CTNND2: variants seen among roughly 807,000 people sequenced by gnomAD.
The protein encoded by CTNND2 is catenin delta-2.
In CTNND2, 22 loss-of-function variants were observed where a neutral mutation model predicts 144.4. That is an observed-to-expected ratio of 0.15 (90% CI 0.11 to 0.22). The LOEUF is 0.22. Ranked by LOEUF, CTNND2 falls within the 10% of genes least tolerant of loss-of-function variation. The pLI, the probability that CTNND2 is intolerant of heterozygous loss-of-function variation, is 1.00. For missense variants in CTNND2, 1,353 were observed against 1,618.8 expected (o/e 0.84, Z 2.82); for synonymous variants, 751 against 695.6 (o/e 1.08, Z -1.25).
intron 9 of CTNND2, among the ~76,000 whole-genome samples, chr5:11,263,411 A>G (rs1745112836): frequency 6.6e-6 from 1 of 152,212 alleles, no homozygotes; most frequent in Non-Finnish European, 1.5e-5. Flanking sequence ...TTGAAAGTAT[A>G]CTTAATAACA....
intron 2 of CTNND2, among the ~76,000 whole-genome samples, chr5:11,683,560 C>G (rs547666361): frequency 3.4e-4 from 52 of 152,296 alleles, no homozygotes; most frequent in Non-Finnish European, 5.6e-4. Context: ...TGTTGAAGAC[C>G]GTCTTTGCAC....
At chr5:11,607,781 G>A (rs1219287932) in intron 2 of CTNND2, among the ~76,000 whole-genome samples, 1 of 152,166 alleles carries the variant, frequency 6.6e-6, no homozygotes, top group African/African-American at 2.4e-5. Flanking sequence ...AACTTGGGCT[G>A]AAAGTCTGTG....
intron 10 of CTNND2, among the ~76,000 whole-genome samples, chr5:11,211,264 G>A (rs1246406518): frequency 6.6e-6 from 1 of 152,186 alleles, no homozygotes; most frequent in African/African-American, 2.4e-5. Flanking sequence ...GAGCAAAAGA[G>A]AGGCAGTGGG....
chr5:11,681,129 A>C (rs1452076153), intron 2 of CTNND2, among the ~76,000 whole-genome samples: 4 of 152,224 alleles, frequency 2.6e-5, no homozygotes, highest in Admixed American at 1.3e-4. Flanking sequence ...TTCTACCCCC[A>C]GTTGTGTAAG....
chr5:11,605,230 G>C (rs1779987605), intron 2 of CTNND2, among the ~76,000 whole-genome samples: 1 of 152,160 alleles, frequency 6.6e-6, no homozygotes, highest in African/African-American at 2.4e-5. Context: ...CCACACAACA[G>C]ACATGCTTAC....
At chr5:11,139,740 A>C (rs531863362) in intron 12 of CTNND2, among the ~76,000 whole-genome samples, 1 of 152,352 alleles carries the variant, frequency 6.6e-6, no homozygotes, top group South Asian at 2.1e-4. Context: ...CTGCTGTAAC[A>C]AATTAACACA....
chr5:11,329,389 A>G (rs1336626885), intron 9 of CTNND2, among the ~76,000 whole-genome samples: 35 of 152,178 alleles, frequency 2.3e-4, no homozygotes, highest in Admixed American at 2.2e-3. Context: ...TCCTGACCTC[A>G]AGTGATCCCC....
intron 2 of CTNND2, among the ~76,000 whole-genome samples, chr5:11,595,687 CCATTGG>C (rs1250799085): frequency 6.6e-6 from 1 of 152,000 alleles, no homozygotes; most frequent in Admixed American, 6.6e-5. Context: ...AGCTTTAAAC[CCATTGG>C]CATACCTGAT....
At chr5:11,520,356 A>C (rs954183395) in intron 3 of CTNND2, among the ~76,000 whole-genome samples, 5 of 152,086 alleles carry the variant, frequency 3.3e-5, no homozygotes, top group African/African-American at 1.2e-4. Flanking sequence ...ACCTAGATTA[A>C]AGAGAAAGGC....
intron 9 of CTNND2, among the ~76,000 whole-genome samples, chr5:11,238,958 T>G (rs1475744129): frequency 6.6e-6 from 1 of 152,268 alleles, no homozygotes; most frequent in Non-Finnish European, 1.5e-5. Context: ...AAACCACGTC[T>G]GCAAGGCTCA....
At position 11,385,070 on chromosome 5, in the gene CTNND2, T is replaced by A; in HGVS notation, c.772A>T (p.Thr258Ser). Residue 258 changes from threonine (T) to serine (S), a missense_variant, in exon 7 of 22, where the codon ACG becomes TCG. This residue lies in a region of CTNND2 where 708 missense variants were observed against 706.4 expected (regional missense o/e 1.00). Transcript: ENST00000304623. ...AAAALYYSSS[T>S]LPAPPRGGSP... ...CCCCCGCGCGGCGGCGCGGGCAGCG[T>A]GGAGCTGGAGTAGTAGAGCGCGGCG... The A allele has an allele frequency of 9.2e-7, 1 of 1,082,860 alleles. No individual in the cohort carries two copies. Among genetic ancestry groups the A allele is most frequent in the Non-Finnish European group, 1.1e-6 (1 of 899,424 alleles). The allele number at this position is 1,082,860 out of a possible 1,614,324, so 67.1% of individuals were successfully genotyped here.
rs148354815 is a variant in CTNND2 at position 11,759,136 on chromosome 5, T to C, written c.38-26864A>G. ...CATAGAAATATTTTAGCATGATTGGTCTTTTTGGAGGGAGAGGTCCAAGCA... is the reference window on the plus strand; with the variant it reads ...CATAGAAATATTTTAGCATGATTGGCCTTTTTGGAGGGAGAGGTCCAAGCA... On this transcript the variant is annotated intron_variant, in intron 1 of 21. Coordinates refer to ENST00000304623, the MANE Select transcript of CTNND2 (RefSeq NM_001332.4). Among the ~76,000 whole-genome samples the C allele has an allele frequency of 4.7e-3, 713 of 152,140 alleles. 7 individuals are homozygous for C. Among genetic ancestry groups the C allele is most frequent in the African/African-American group, 0.016 (674 of 41,538 alleles).
At chr5:11,412,373 A>G (rs1432204858) in intron 3 of CTNND2, among the ~76,000 whole-genome samples, 1 of 152,170 alleles carries the variant, frequency 6.6e-6, no homozygotes, top group East Asian at 1.9e-4. Flanking sequence ...GCTTCTCTAT[A>G]CATGCAGTTT....
intron 16 of CTNND2, among the ~76,000 whole-genome samples, chr5:11,031,818 C>T (rs1409908256): frequency 6.6e-6 from 1 of 152,214 alleles, no homozygotes; most frequent in African/African-American, 2.4e-5. Flanking sequence ...CGTCAGACTC[C>T]AGTTCTTTGG....
chr5:11,798,243 C>CA (rs1791502242), intron 1 of CTNND2, among the ~76,000 whole-genome samples: 2 of 128,142 alleles, frequency 1.6e-5, no homozygotes, highest in African/African-American at 6.0e-5. Context: ...GCCTGGGTGA[C>CA]AGAGTGAGAC....
chr5:11,125,131 C>A (rs1201908958), intron 12 of CTNND2, among the ~76,000 whole-genome samples: 1 of 152,142 alleles, frequency 6.6e-6, no homozygotes, highest in Non-Finnish European at 1.5e-5. Flanking sequence ...GTTGAGTGCC[C>A]AGGGGTGGGG....
intron 3 of CTNND2, among the ~76,000 whole-genome samples, chr5:11,558,687 A>T (rs1220844649): frequency 6.6e-6 from 1 of 152,082 alleles, no homozygotes; most frequent in African/African-American, 2.4e-5. Flanking sequence ...TGGTAGGTAT[A>T]CACAGGTGCT....
rs373043603 is a variant in CTNND2, at chr5:11,197,016, T to C, written c.1975+2432A>G. On this transcript the variant is annotated intron_variant, in intron 11 of 21. Transcript: ENST00000304623. ...CTGCAGGTTTCCAGGCCCCCTCAGG[T>C]TTCTGTCAGTAAGGAAACTCAGAAG... Among the ~76,000 whole-genome samples the C allele has an allele frequency of 1.3e-3, 193 of 152,302 alleles. 1 individual carries two copies. The highest frequency in any genetic ancestry group is 4.4e-3 in the African/African-American group (183 of 41,572).
chr5:11,744,537 A>G (rs1788194878), intron 1 of CTNND2, among the ~76,000 whole-genome samples: 1 of 152,114 alleles, frequency 6.6e-6, no homozygotes, highest in African/African-American at 2.4e-5. Context: ...AAATGTATAT[A>G]GGGAGACATG....
Sources: gnomAD v4.1 joint callset for allele counts (sites outside exome capture counted in the v4.1 genomes callset) on GRCh38, gnomAD v4.1.1 for gene constraint, gnomAD v4.1.1 regional missense constraint, MANE v1.5 for transcripts, NCBI Gene and HGNC (gene_info 2026-07-23, HGNC 2026-07-21) for gene names.